KCNJ16: variants seen among roughly 807,000 people sequenced by gnomAD.
KCNJ16 encodes inward rectifier potassium channel 16.
In KCNJ16, 15 loss-of-function variants were observed where a neutral mutation model predicts 18.5. The ratio of observed to expected loss-of-function variants is 0.81; its 90% confidence interval spans 0.54 to 1.25. The LOEUF (loss-of-function observed/expected upper bound fraction) is 1.25, where lower values mean the gene tolerates loss of function less well. Ranked by LOEUF, KCNJ16 falls within the 50% of genes most tolerant of loss-of-function variation. KCNJ16 has a pLI of 0.00. For missense variants in KCNJ16, 523 were observed against 525.7 expected (o/e 0.99, Z 0.05); for synonymous variants, 174 against 186.5 (o/e 0.93, Z 0.55).
chr17:70,086,948 G>T (rs1376160925), intron 1 of KCNJ16, among the ~76,000 whole-genome samples: 2 of 152,002 alleles, frequency 1.3e-5, no homozygotes, highest in African/African-American at 4.8e-5. Context: ...ACCCAGGCTG[G>T]AGTGCAATGG....
intron 2 of KCNJ16, among the ~76,000 whole-genome samples, chr17:70,110,054 T>C (rs1029490259): frequency 3.3e-5 from 5 of 152,192 alleles, no homozygotes; most frequent in African/African-American, 1.2e-4. Context: ...ACTTTAATCC[T>C]GTAAAGTTTC....
In KCNJ16 at chr17:70,135,333, T is replaced by C. The variant is rs1275024848; in HGVS notation, c.*1989T>C. The C allele has an allele frequency of 1.2e-5, 2 of 167,082 alleles. No individual in the cohort carries two copies. Among genetic ancestry groups the C allele is most frequent in the East Asian group, 3.8e-4 (2 of 5,204 alleles). 10.3% of individuals were successfully genotyped at this position (167,082 alleles called of 1,614,324 possible). On this transcript the variant is annotated 3_prime_UTR_variant, in exon 4 of 4. Transcript: ENST00000392671. Reference sequence around the variant, plus strand: ...CACTTAAAAATATTTTTAGCTTGTTTTACCTACATCTAGTTTCATTTCATC... The same window carrying C: ...CACTTAAAAATATTTTTAGCTTGTTCTACCTACATCTAGTTTCATTTCATC...
At chr17:70,126,038 T>C (rs954303138) in intron 2 of KCNJ16, among the ~76,000 whole-genome samples, 3 of 152,106 alleles carry the variant, frequency 2.0e-5, no homozygotes, top group African/African-American at 7.2e-5. Flanking sequence ...ATGCCCACCT[T>C]GGGTGCAATG....
Position 70,132,057 on chromosome 17 carries a change from C to T in KCNJ16, c.-31C>T. ...GTCTAGAATTCTTACTACTACAAAA[C>T]TCACCTGGATCCCTAAGGGCACAGC... On this transcript the variant is annotated 5_prime_UTR_variant, in exon 4 of 4. Coordinates refer to ENST00000392671, the MANE Select transcript of KCNJ16 (RefSeq NM_170741.4). 6 of 1,613,668 alleles carry T rather than the reference C, an allele frequency of 3.7e-6. No individual in the cohort carries two copies. The highest frequency in any genetic ancestry group is 2.2e-5 in the East Asian group (1 of 44,888).
In KCNJ16 at chr17:70,133,006, G is replaced by C; in HGVS notation, c.919G>C (p.Gly307Arg). Residue 307 changes from glycine to arginine, a missense_variant, in exon 4 of 4, where the codon GGC becomes CGC. By Grantham distance (125) the Gly-to-Arg change is moderately radical (BLOSUM62 -2). Transcript: ENST00000392671. The part of the protein sequence containing the change: ...SSYVPREILW[G>R]HRFNDVLEVK... ...CTATGTTCCCCGAGAAATTCTCTGG[G>C]GCCATAGGTTTAATGATGTCTTGGA... 1 of 1,614,054 alleles carries C rather than the reference G, an allele frequency of 6.2e-7. No individual in the cohort carries two copies.
In KCNJ16 at chr17:70,133,251, GACC is replaced by G. The variant is rs1318200275; in HGVS notation, c.1170_1172del (p.Thr391del). ...TCAGCAGCTGTGAAAACCCTGAGGAGACCACCACTTCCGCCACACATGAATATA... is the reference window on the plus strand; with the variant it reads ...TCAGCAGCTGTGAAAACCCTGAGGAGACCACTTCCGCCACACATGAATATA... On this transcript the variant is annotated inframe_deletion, in exon 4 of 4. Transcript: ENST00000392671. 1.2e-6 allele frequency: 2 copies of G among 1,614,100 alleles called. No individual in the cohort carries two copies. The highest frequency in any genetic ancestry group is 1.7e-6 in the Non-Finnish European group (2 of 1,179,998).
rs765922966 is a variant in KCNJ16 at position 70,077,767 on chromosome 17, T to C, written c.-300+2377T>C. On this transcript the variant is annotated intron_variant, in intron 1 of 3. Transcript: ENST00000392671. ...CAAATGGCCCCTTTGCTGGAAACCA[T>C]GGTAATAAGGGCTCATCTTCTGAGA... is the stretch of plus-strand genomic sequence containing the variant. Among the ~76,000 whole-genome samples the C allele has an allele frequency of 4.0e-5, 6 of 151,318 alleles. No homozygotes were observed. The East Asian group carries it at 5.8e-4, about 15-fold the overall frequency.
chr17:70,091,482 G>C (rs2072088586), intron 1 of KCNJ16, among the ~76,000 whole-genome samples: 1 of 152,070 alleles, frequency 6.6e-6, no homozygotes, highest in Non-Finnish European at 1.5e-5. Flanking sequence ...CAAAATTTAG[G>C]CTTAGGAATG....
In KCNJ16 at chr17:70,094,198, G is replaced by T. The variant is rs374868114; in HGVS notation, c.-299-6460G>T. Among the ~76,000 whole-genome samples the T allele has an allele frequency of 3.9e-5, 6 of 152,268 alleles. No individual in the cohort carries two copies. The East Asian group carries it at 7.7e-4, about 20-fold the overall frequency. ...CACAGCCTAAAGAGAAATAACAATT[G>T]TGACATTTGCATTTACTTAAGGCTT... On this transcript the variant is annotated intron_variant, in intron 1 of 3. Coordinates refer to ENST00000392671, the MANE Select transcript of KCNJ16 (RefSeq NM_170741.4).
intron 2 of KCNJ16, among the ~76,000 whole-genome samples, chr17:70,114,863 G>A (rs1224581881): frequency 6.6e-6 from 1 of 152,050 alleles, no homozygotes; most frequent in Non-Finnish European, 1.5e-5. Context: ...CTTTCCATTC[G>A]TTATTTGGTT....
At chr17:70,081,806 CTGTGTGTGTGTG>C (rs5821755) in intron 1 of KCNJ16, among the ~76,000 whole-genome samples, 4 of 149,464 alleles carry the variant, frequency 2.7e-5, no homozygotes, top group South Asian at 2.1e-4. Context: ...TCACCATGCT[CTGTGTGTGTGTG>C]TGTGTGTGTG....
chr17:70,096,172 C>T (rs578054023), intron 1 of KCNJ16, among the ~76,000 whole-genome samples: 3 of 152,132 alleles, frequency 2.0e-5, no homozygotes, highest in East Asian at 1.9e-4. Flanking sequence ...CATGAGCCAC[C>T]GCACCCAGCC....
chr17:70,099,283 G>A (rs577577820), intron 1 of KCNJ16, among the ~76,000 whole-genome samples: 127 of 152,220 alleles, frequency 8.3e-4, no homozygotes, highest in African/African-American at 2.9e-3. Context: ...TTCACTGCAA[G>A]AAATGAAGAC....
Position 70,133,005 on chromosome 17 carries a change from G to A in KCNJ16, c.918G>A (p.Trp306Ter). 6.2e-7 allele frequency: 1 copy of A among 1,614,070 alleles called. No homozygotes were observed. Among genetic ancestry groups the A allele is most frequent in the Non-Finnish European group, 8.5e-7 (1 of 1,180,020 alleles). The change falls in exon 4 of 4, where the codon TGG becomes TGA. Residue 306 changes from tryptophan to a stop codon, truncating the protein, a stop_gained. Transcript: ENST00000392671. LOFTEE classifies it high-confidence loss of function. ...CCTATGTTCCCCGAGAAATTCTCTG[G>A]GGCCATAGGTTTAATGATGTCTTGG... Reference protein sequence around the residue: ...RSSYVPREILWGHRFNDVLEV... With the variant: ...RSSYVPREIL
intron 1 of KCNJ16, among the ~76,000 whole-genome samples, chr17:70,086,080 C>T (rs991565845): frequency 1.3e-5 from 2 of 151,968 alleles, no homozygotes; most frequent in Non-Finnish European, 2.9e-5. Flanking sequence ...CAATAGGCCT[C>T]GACAGGTTTC....
At chr17:70,104,878 G>T (rs1192046159) in intron 2 of KCNJ16, 4 of 152,812 alleles carry the variant, frequency 2.6e-5, no homozygotes, top group Non-Finnish European at 5.9e-5. Flanking sequence ...CTTTGTCTGT[G>T]GTGAATGTAT....
intron 3 of KCNJ16, chr17:70,131,453 AAG>A (rs895690616): frequency 2.0e-6 from 2 of 998,948 alleles, no homozygotes; most frequent in Non-Finnish European, 2.4e-6. Context: ...GCCTCCGTGG[AAG>A]AGAGAGCAAG....
At chr17:70,093,351 G>C (rs1210086817) in intron 1 of KCNJ16, among the ~76,000 whole-genome samples, 4 of 152,154 alleles carry the variant, frequency 2.6e-5, no homozygotes, top group African/African-American at 9.7e-5. Context: ...TCCACTTTTA[G>C]CTTCTGCTAG....
intron 2 of KCNJ16, among the ~76,000 whole-genome samples, chr17:70,130,208 G>GTT (rs2074008498): frequency 6.6e-6 from 1 of 152,130 alleles, no homozygotes; most frequent in Non-Finnish European, 1.5e-5. Flanking sequence ...AGCTTCTTCT[G>GTT]TTTGTAAAAT....
Sources: gnomAD v4.1 joint callset for allele counts (sites outside exome capture counted in the v4.1 genomes callset) on GRCh38, gnomAD v4.1.1 for gene constraint, MANE v1.5 for transcripts, NCBI Gene and HGNC (gene_info 2026-07-23, HGNC 2026-07-21) for gene names.